SLC41A2: variants seen among roughly 807,000 people sequenced by gnomAD.
SLC41A2 encodes the protein solute carrier family 41 member 2.
A neutral mutation model predicts 58.3 loss-of-function variants in SLC41A2; 32 were observed. The ratio of observed to expected loss-of-function variants is 0.55; its 90% confidence interval spans 0.41 to 0.74. SLC41A2 has a LOEUF of 0.74. Ranked by LOEUF, SLC41A2 falls within the 30% of genes least tolerant of loss-of-function variation. SLC41A2 has a pLI of 0.00. For synonymous variants in SLC41A2, 190 were observed against 235.0 expected (o/e 0.81, Z 1.75); for missense variants, 514 against 680.6 (o/e 0.76, Z 2.72).
intron 3 of SLC41A2, among the ~76,000 whole-genome samples, chr12:104,902,364 G>A (rs1287493505): frequency 1.3e-5 from 2 of 152,170 alleles, no homozygotes; most frequent in Non-Finnish European, 2.9e-5. Flanking sequence ...ACTGGATAGA[G>A]AGTGAAGAGG....
rs1309154021 is a variant in SLC41A2, at chr12:104,803,799, A to C, written c.*1353T>G. 6.6e-6 allele frequency: 1 copy of C among 152,142 alleles called. No individual in the cohort carries two copies. The highest frequency in any genetic ancestry group is 1.9e-4 in the East Asian group (1 of 5,196). 9.4% of individuals were successfully genotyped at this position (152,142 alleles called of 1,614,324 possible). On this transcript the variant is annotated 3_prime_UTR_variant, in exon 11 of 11. Transcript: ENST00000258538. ...TCCCACGTAGAAATAAGCCTGTACA[A>C]ATGGATATGTTTAAGCATGAACAAT...
Position 104,930,940 on chromosome 12 carries a change from T to C in SLC41A2, c.-167-2246A>G, listed in dbSNP as rs778287422. Among the ~76,000 whole-genome samples, 84 of 152,360 alleles carry C rather than the reference T, an allele frequency of 5.5e-4. 1 individual carries two copies. The highest frequency in any genetic ancestry group is 3.3e-4 in the Admixed American group (5 of 15,310). On this transcript the variant is annotated intron_variant, in intron 1 of 10. Transcript: ENST00000258538. ...CACATCCAGGTCATACTTTTGCTCC[T>C]AGTATTCTTACTTCGGTATAAGCTA...
In SLC41A2 at chr12:104,834,052, C is replaced by T. The variant is rs2042128501; in HGVS notation, c.1536+10420G>A. ...TGGTTCTACCTTCACCTTTATCAGG[C>T]TTTACAAGACCGAAAAGAGCTCTTT... On this transcript the variant is annotated intron_variant, in intron 10 of 10. Transcript: ENST00000258538. 4 of 985,348 alleles carry T rather than the reference C, an allele frequency of 4.1e-6. No individual in the cohort carries two copies. In the African/African-American group the frequency reaches 7.0e-5, roughly 17 times the overall value. 61.0% of individuals were successfully genotyped at this position (985,348 alleles called of 1,614,324 possible). A position where few individuals can be genotyped will look rare whatever the true frequency, so the allele number is the denominator to read the frequency against.
At chr12:104,813,728 C>A (rs942172378) in intron 10 of SLC41A2, among the ~76,000 whole-genome samples, 10 of 152,100 alleles carry the variant, frequency 6.6e-5, no homozygotes, top group Non-Finnish European at 1.3e-4. Flanking sequence ...CTCTGTTTCC[C>A]AGGTTCAAGT....
At chr12:104,840,166 G>A (rs942803403) in intron 10 of SLC41A2, among the ~76,000 whole-genome samples, 2 of 152,206 alleles carry the variant, frequency 1.3e-5, no homozygotes, top group Admixed American at 1.3e-4. Flanking sequence ...AGGAAGGCCA[G>A]CAATGCCCAT....
upstream of SLC41A2, chr12:104,958,640 T>A (rs907147147): frequency 3.3e-5 from 5 of 152,438 alleles, no homozygotes; most frequent in Non-Finnish European, 5.9e-5. Context: ...CCATGACTCA[T>A]GATTTCTCTT....
intron 8 of SLC41A2, among the ~76,000 whole-genome samples, chr12:104,847,990 T>C (rs1456579841): frequency 6.6e-6 from 1 of 152,182 alleles, no homozygotes; most frequent in East Asian, 1.9e-4. Flanking sequence ...TATCAGCCAG[T>C]TTAATCTAAA....
At chr12:104,882,342 G>A (rs545700506) in intron 6 of SLC41A2, among the ~76,000 whole-genome samples, 1 of 152,206 alleles carries the variant, frequency 6.6e-6, no homozygotes, top group Non-Finnish European at 1.5e-5. Context: ...TGTTATGTGT[G>A]AATTTGATCC....
At chr12:104,815,930 A>C (rs896087912) in intron 10 of SLC41A2, among the ~76,000 whole-genome samples, 60 of 152,160 alleles carry the variant, frequency 3.9e-4, no homozygotes, top group African/African-American at 1.4e-3. Context: ...GGTGGGAAAT[A>C]AATGGTGTCG....
At chr12:104,907,660 C>T (rs932197059) in intron 3 of SLC41A2, among the ~76,000 whole-genome samples, 6 of 152,128 alleles carry the variant, frequency 3.9e-5, no homozygotes, top group African/African-American at 1.2e-4. Flanking sequence ...TTACCCTGTG[C>T]AGGTAAAAGG....
intron 3 of SLC41A2, among the ~76,000 whole-genome samples, chr12:104,907,032 A>T (rs980023405): frequency 1.6e-4 from 24 of 150,990 alleles, no homozygotes; most frequent in Admixed American, 6.0e-4. Flanking sequence ...AAATTTATGC[A>T]AATTCCATCA....
At chr12:104,812,420 C>A (rs992076152) in intron 10 of SLC41A2, among the ~76,000 whole-genome samples, 3 of 151,992 alleles carry the variant, frequency 2.0e-5, no homozygotes, top group African/African-American at 7.2e-5. Flanking sequence ...TTTTTTTCAA[C>A]AGCAATACTG....
chr12:104,809,751 G>A (rs1035873748), intron 10 of SLC41A2, among the ~76,000 whole-genome samples: 7 of 152,036 alleles, frequency 4.6e-5, no homozygotes, highest in Non-Finnish European at 7.4e-5. Flanking sequence ...AACTTACTTC[G>A]AAATAATAAG....
At position 104,854,575 on chromosome 12, in the gene SLC41A2, A is replaced by C. The variant is rs556733962; in HGVS notation, c.1255+6716T>G. ...CAGACTCCGTCTCAAAAAAACAAAA[A>C]AAAAAAAACACCGCCTTAGATCAGA... On this transcript the variant is annotated intron_variant, in intron 8 of 10. Transcript: ENST00000258538. 1.7e-3 allele frequency among the ~76,000 whole-genome samples: 254 copies of C among 148,602 alleles called. 1 individual carries two copies. The Middle Eastern group carries it at 0.018, about 10-fold the overall frequency.
In SLC41A2 at chr12:104,882,614, A is replaced by C. The variant is rs1253420993; in HGVS notation, c.1027+3679T>G. Reference sequence around the variant, plus strand: ...GCTGGATATGAAATTCTGGGTTGAAAATTCTTTTCTTTAAGAATGTTGAAT... The same window carrying C: ...GCTGGATATGAAATTCTGGGTTGAACATTCTTTTCTTTAAGAATGTTGAAT... On this transcript the variant is annotated intron_variant, in intron 6 of 10. Transcript: ENST00000258538. Among the ~76,000 whole-genome samples the C allele has an allele frequency of 2.6e-5, 4 of 152,218 alleles. No individual in the cohort carries two copies. In the East Asian group the frequency reaches 7.7e-4, roughly 29 times the overall value.
At chr12:104,955,547 C>G (rs2048131254) in intron 1 of SLC41A2, among the ~76,000 whole-genome samples, 1 of 152,220 alleles carries the variant, frequency 6.6e-6, no homozygotes, top group African/African-American at 2.4e-5. Flanking sequence ...TTTGCCCACA[C>G]CGTATTCAGA....
At chr12:104,950,406 G>T (rs1051328150) in intron 1 of SLC41A2, among the ~76,000 whole-genome samples, 1 of 152,204 alleles carries the variant, frequency 6.6e-6, no homozygotes, top group Non-Finnish European at 1.5e-5. Flanking sequence ...CTGTTGCCAT[G>T]TGAAGAAGGT....
At chr12:104,957,155 A>G (rs1277191620) in intron 1 of SLC41A2, among the ~76,000 whole-genome samples, 1 of 150,976 alleles carries the variant, frequency 6.6e-6, no homozygotes, top group African/African-American at 2.4e-5. Context: ...CAACTGATGA[A>G]TAAACAAATG....
At chr12:104,807,387 A>G (rs1375982441) in intron 10 of SLC41A2, among the ~76,000 whole-genome samples, 1 of 152,040 alleles carries the variant, frequency 6.6e-6, no homozygotes, top group African/African-American at 2.4e-5. Context: ...GATATGTGGC[A>G]TTATTTCTGA....
Sources: gnomAD v4.1 joint callset for allele counts (sites outside exome capture counted in the v4.1 genomes callset) on GRCh38, gnomAD v4.1.1 for gene constraint, MANE v1.5 for transcripts, NCBI Gene and HGNC (gene_info 2026-07-23, HGNC 2026-07-21) for gene names.